The following LINC00305 variants were observed in gnomAD, a reference collection of about 807,000 sequenced individuals.
LINC00305 encodes long independently transcribed non-coding RNA 305.
intron 3 of LINC00305, among the ~76,000 whole-genome samples, chr18:64,094,240 G>C (rs900079617): frequency 2.6e-5 from 4 of 152,206 alleles, no homozygotes; most frequent in African/African-American, 9.7e-5. Context: ...ATTTCTGCTG[G>C]AAGAGAGCAA....
intron 1 of LINC00305, among the ~76,000 whole-genome samples, chr18:64,140,960 G>T (rs545592782): frequency 6.7e-6 from 1 of 149,782 alleles, no homozygotes; most frequent in Admixed American, 6.8e-5. Flanking sequence ...TGGAAGCGGA[G>T]AGTGGCCCTC....
chr18:64,131,179 T>C (rs772765791), intron 1 of LINC00305, among the ~76,000 whole-genome samples: 6 of 152,232 alleles, frequency 3.9e-5, no homozygotes, highest in Non-Finnish European at 8.8e-5. Context: ...TCAATTGATA[T>C]GTGTTACTAA....
intron 1 of LINC00305, among the ~76,000 whole-genome samples, chr18:64,141,490 T>TA (rs2051462886): frequency 6.6e-6 from 1 of 151,792 alleles, no homozygotes; most frequent in South Asian, 2.1e-4. Context: ...AAAGTGAAAA[T>TA]AAAAAAGGGG....
At chr18:64,147,045 T>C (rs2051501533) in intron 1 of LINC00305, among the ~76,000 whole-genome samples, 1 of 152,210 alleles carries the variant, frequency 6.6e-6, no homozygotes, top group Non-Finnish European at 1.5e-5. Flanking sequence ...ACATACAAAT[T>C]GCATAATGGA....
chr18:64,105,491 A>G (rs375795952), intron 1 of LINC00305, among the ~76,000 whole-genome samples: 1 of 152,162 alleles, frequency 6.6e-6, no homozygotes. Flanking sequence ...AAAGTTATCT[A>G]GTGAAATTGA....
intron 1 of LINC00305, among the ~76,000 whole-genome samples, chr18:64,117,312 A>G (rs559711739): frequency 6.6e-6 from 1 of 152,358 alleles, no homozygotes; most frequent in African/African-American, 2.4e-5. Flanking sequence ...GCTTCTTTGC[A>G]TAATAATCTA....
chr18:64,093,488 C>T (rs2051232792), intron 3 of LINC00305, among the ~76,000 whole-genome samples: 1 of 152,164 alleles, frequency 6.6e-6, no homozygotes, highest in South Asian at 2.1e-4. Flanking sequence ...GTGTGTACCA[C>T]CAAGCCCGGC....
intron 1 of LINC00305, among the ~76,000 whole-genome samples, chr18:64,133,783 A>G (rs2144270674): frequency 6.6e-6 from 1 of 152,334 alleles, no homozygotes; most frequent in East Asian, 1.9e-4. Context: ...TTCATAGAAC[A>G]ACAAAAAAGG....
At chr18:64,081,630 T>C (rs2051185346) in intron 3 of LINC00305, among the ~76,000 whole-genome samples, 1 of 152,226 alleles carries the variant, frequency 6.6e-6, no homozygotes, top group Non-Finnish European at 1.5e-5. Context: ...CTTGATTATT[T>C]CATGTATTCA....
intron 1 of LINC00305, among the ~76,000 whole-genome samples, chr18:64,130,490 C>A (rs930785864): frequency 6.6e-6 from 1 of 150,722 alleles, no homozygotes; most frequent in Non-Finnish European, 1.5e-5. Flanking sequence ...ACTTACTGTG[C>A]GCCAAACACA....
chr18:64,086,479 A>T (rs2051203952), intron 3 of LINC00305, among the ~76,000 whole-genome samples: 1 of 152,250 alleles, frequency 6.6e-6, no homozygotes, highest in Non-Finnish European at 1.5e-5. Flanking sequence ...ATTTCTTGAT[A>T]GTTGTAGCTT....
intron 1 of LINC00305, among the ~76,000 whole-genome samples, chr18:64,107,460 A>G (rs1485332767): frequency 1.3e-5 from 2 of 152,232 alleles, no homozygotes; most frequent in Non-Finnish European, 2.9e-5. Flanking sequence ...GAAATCCTTC[A>G]AGCTTCAGAT....
At chr18:64,083,037 A>G (rs191985220) in intron 3 of LINC00305, among the ~76,000 whole-genome samples, 300 of 152,060 alleles carry the variant, frequency 2.0e-3, no homozygotes, top group African/African-American at 6.9e-3. Context: ...ATTTTACTCC[A>G]TTAAATTGTC....
intron 3 of LINC00305, among the ~76,000 whole-genome samples, chr18:64,097,598 T>C (rs2051249629): frequency 6.6e-6 from 1 of 151,712 alleles, no homozygotes; most frequent in South Asian, 2.1e-4. Context: ...GTAGAATATA[T>C]ATAAAATAAA....
chr18:64,126,429 T>C (rs955313397), intron 1 of LINC00305, among the ~76,000 whole-genome samples: 3 of 152,118 alleles, frequency 2.0e-5, no homozygotes, highest in African/African-American at 7.2e-5. Context: ...AAGGGACTAC[T>C]ATTTTTTTCT....
At chr18:64,122,289 T>A (rs993378048) in intron 1 of LINC00305, among the ~76,000 whole-genome samples, 2 of 152,090 alleles carry the variant, frequency 1.3e-5, no homozygotes, top group Admixed American at 1.3e-4. Flanking sequence ...TTTCCTAGGT[T>A]TTCTTCTAGT....
At chr18:64,099,062 T>A (rs577515901) in intron 1 of LINC00305, among the ~76,000 whole-genome samples, 1 of 152,212 alleles carries the variant, frequency 6.6e-6, no homozygotes, top group African/African-American at 2.4e-5. Flanking sequence ...GAAGATATCC[T>A]GTCTCTATTC....
intron 3 of LINC00305, among the ~76,000 whole-genome samples, chr18:64,088,157 A>C (rs528899636): frequency 6.6e-6 from 1 of 152,196 alleles, no homozygotes; most frequent in South Asian, 2.1e-4. Flanking sequence ...AAAAAAAAGA[A>C]AGTCAGAGAG....
chr18:64,137,263 T>C (rs1205340170), intron 1 of LINC00305, among the ~76,000 whole-genome samples: 1 of 152,164 alleles, frequency 6.6e-6, no homozygotes, highest in Non-Finnish European at 1.5e-5. Flanking sequence ...AGAAGGATCT[T>C]TCGCTAGAGC....
Sources: gnomAD v4.1 joint callset for allele counts (sites outside exome capture counted in the v4.1 genomes callset) on GRCh38, gnomAD v4.1.1 for gene constraint, MANE v1.5 for transcripts, NCBI Gene and HGNC (gene_info 2026-07-23, HGNC 2026-07-21) for gene names.